KIAA2012: variants seen among roughly 807,000 people sequenced by gnomAD.
The protein encoded by KIAA2012 is uncharacterized protein KIAA2012.
In KIAA2012, 125 loss-of-function variants were observed where a neutral mutation model predicts 150.6. The ratio of observed to expected loss-of-function variants is 0.83; its 90% CI spans 0.72 to 0.96. KIAA2012 has a LOEUF of 0.96. Among genes scored for constraint, KIAA2012 ranks in the 40% least tolerant of loss-of-function variants. The pLI is 0.00. For synonymous variants in KIAA2012, 462 were observed against 504.7 expected (o/e 0.92, Z 1.13); for missense variants, 1,219 against 1,354.9 (o/e 0.90, Z 1.57).
At chr2:202,142,571 C>T (rs1691215294) in intron 13 of KIAA2012, among the ~76,000 whole-genome samples, 1 of 152,166 alleles carries the variant, frequency 6.6e-6, no homozygotes, top group African/African-American at 2.4e-5. Flanking sequence ...ATTTGTTAGT[C>T]CTGCAAAGGC....
chr2:202,107,094 A>G (rs545275769), intron 9 of KIAA2012, among the ~76,000 whole-genome samples: 1 of 152,308 alleles, frequency 6.6e-6, no homozygotes, highest in Non-Finnish European at 1.5e-5. Context: ...GATAGGTAGT[A>G]TGTTTGAGGT....
At chr2:202,201,757 C>T (rs1692531159) in intron 22 of KIAA2012, 8 of 1,360,438 alleles carry the variant, frequency 5.9e-6, no homozygotes, top group Non-Finnish European at 8.4e-6. Context: ...TGATAGAGCT[C>T]TGAGTAGGCA....
chr2:202,153,398 G>A (rs1691467169), intron 13 of KIAA2012, among the ~76,000 whole-genome samples: 1 of 152,174 alleles, frequency 6.6e-6, no homozygotes. Context: ...AGGGGAGAGG[G>A]AAGGACACTT....
intron 21 of KIAA2012, among the ~76,000 whole-genome samples, chr2:202,195,213 G>A (rs1692393762): frequency 6.6e-6 from 1 of 151,774 alleles, no homozygotes; most frequent in South Asian, 2.1e-4. Flanking sequence ...TTTGTGTTGG[G>A]AACATTCAAA....
chr2:202,149,553 G>A (rs951407184), intron 13 of KIAA2012, among the ~76,000 whole-genome samples: 1 of 152,230 alleles, frequency 6.6e-6, no homozygotes, highest in Admixed American at 6.5e-5. Flanking sequence ...AGCTGCGTGG[G>A]AGGGAGTTAG....
At chr2:202,106,703 AT>A (rs11398160) in intron 9 of KIAA2012, among the ~76,000 whole-genome samples, 9 of 151,638 alleles carry the variant, frequency 5.9e-5, no homozygotes, top group Admixed American at 3.9e-4. Flanking sequence ...AAAAAAAAAA[AT>A]TTTTTTTAAA....
chr2:202,199,920 A>ATTTTTTTTTTTTTTTT (rs71025287), intron 22 of KIAA2012, among the ~76,000 whole-genome samples: 4 of 76,270 alleles, frequency 5.2e-5, no homozygotes, highest in Admixed American at 1.9e-4. Context: ...GCCCCTCATA[A>ATTTTTTTTTTTTTTTT]TTTTTTTTTT....
Position 202,190,209 on chromosome 2 carries a change from G to GAA in KIAA2012, c.2535_2536dup (p.Thr846LysfsTer17). 1 of 1,491,632 alleles carries GAA rather than the reference G, an allele frequency of 6.7e-7. No homozygotes were observed. The highest frequency in any genetic ancestry group is 8.9e-7 in the Non-Finnish European group (1 of 1,118,948). 92.4% of individuals were successfully genotyped at this position (1,491,632 alleles called of 1,614,324 possible). ...GGACTCAAAGGCTAAAAAAAAATTA[G>GAA]AAAAAAAAACAAGACCCCAAAGGAA... On this transcript the variant is annotated frameshift_variant, in exon 19 of 24. Coordinates refer to ENST00000498697, the MANE Select transcript of KIAA2012 (RefSeq NM_001277372.4). LOFTEE classifies it high-confidence loss of function.
At chr2:202,091,732 T>C (rs1167410585) in intron 3 of KIAA2012, among the ~76,000 whole-genome samples, 1 of 152,178 alleles carries the variant, frequency 6.6e-6, no homozygotes, top group African/African-American at 2.4e-5. Context: ...GCAAGCCTAT[T>C]TGGGATGAGA....
intron 18 of KIAA2012, among the ~76,000 whole-genome samples, chr2:202,189,253 C>T (rs758168635): frequency 6.6e-5 from 10 of 151,700 alleles, no homozygotes; most frequent in East Asian, 5.8e-4. Flanking sequence ...GCCTACCCTC[C>T]GGACGGTCCT....
Position 202,192,323 on chromosome 2 carries a change from G to T in KIAA2012, c.2812-978G>T, listed in dbSNP as rs369017261. 2.0e-4 allele frequency among the ~76,000 whole-genome samples: 31 copies of T among 152,292 alleles called. 1 individual carries two copies. In the East Asian group the frequency reaches 2.9e-3, roughly 14 times the overall value. Reference sequence around the variant, plus strand: ...ATATTTCTGAGGAAGAGGCACTAGGGAGAAAAAGAAAGCTATGACAACCTT... The same window carrying T: ...ATATTTCTGAGGAAGAGGCACTAGGTAGAAAAAGAAAGCTATGACAACCTT... On this transcript the variant is annotated intron_variant, in intron 19 of 23. Coordinates refer to ENST00000498697, the MANE Select transcript of KIAA2012 (RefSeq NM_001277372.4).
chr2:202,154,379 A>G (rs912445118), intron 13 of KIAA2012, among the ~76,000 whole-genome samples: 7 of 152,270 alleles, frequency 4.6e-5, no homozygotes, highest in African/African-American at 1.7e-4. Flanking sequence ...CTGTCTGTAT[A>G]ATGGGAGTAA....
chr2:202,090,135 C>T (rs1437753615), intron 2 of KIAA2012, among the ~76,000 whole-genome samples: 1 of 152,168 alleles, frequency 6.6e-6, no homozygotes. Context: ...GTAACTCAGT[C>T]CACCTTATAG....
chr2:202,123,180 G>GGGCGGT (rs1344720271), intron 11 of KIAA2012, among the ~76,000 whole-genome samples: 6 of 152,204 alleles, frequency 3.9e-5, no homozygotes, highest in Non-Finnish European at 1.5e-5. Flanking sequence ...GCAAAGGGCA[G>GGGCGGT]GGCGGTGGCG....
chr2:202,083,530 G>A (rs1210602585), intron 2 of KIAA2012, among the ~76,000 whole-genome samples: 1 of 152,238 alleles, frequency 6.6e-6, no homozygotes, highest in Non-Finnish European at 1.5e-5. Flanking sequence ...CAGACTGAGG[G>A]CTAGGAGATG....
chr2:202,087,913 A>T (rs999155839), intron 2 of KIAA2012, among the ~76,000 whole-genome samples: 4 of 152,054 alleles, frequency 2.6e-5, no homozygotes, highest in Non-Finnish European at 5.9e-5. Flanking sequence ...GAGTCTGGGA[A>T]AGCAAGGCCC....
chr2:202,152,164 C>T (rs1157189010), intron 13 of KIAA2012, among the ~76,000 whole-genome samples: 2 of 152,096 alleles, frequency 1.3e-5, no homozygotes, highest in Non-Finnish European at 2.9e-5. Context: ...CTCCCATATC[C>T]CAAATCCCCT....
intron 16 of KIAA2012, among the ~76,000 whole-genome samples, chr2:202,186,687 A>T (rs1378504975): frequency 6.6e-6 from 1 of 152,228 alleles, no homozygotes; most frequent in Non-Finnish European, 1.5e-5. Flanking sequence ...TGCAACCCCA[A>T]AGAGCAAACA....
chr2:202,144,439 T>G (rs1691256900), intron 13 of KIAA2012, among the ~76,000 whole-genome samples: 1 of 152,230 alleles, frequency 6.6e-6, no homozygotes, highest in African/African-American at 2.4e-5. Flanking sequence ...TACCGCCATC[T>G]GTTTCCTTGG....
Sources: gnomAD v4.1 joint callset for allele counts (sites outside exome capture counted in the v4.1 genomes callset) on GRCh38, gnomAD v4.1.1 for gene constraint, MANE v1.5 for transcripts, NCBI Gene and HGNC (gene_info 2026-07-23, HGNC 2026-07-21) for gene names.